The following GBGT1 variants were observed in gnomAD, a reference collection of about 807,000 sequenced individuals.
GBGT1 encodes globoside alpha-1,3-N-acetylgalactosaminyltransferase 1 (FORS blood group), also known as globoside alpha-1,3-N-acetylgalactosaminyltransferase 1.
GBGT1 carries 18 observed loss-of-function variants against 20.9 expected under a neutral mutation model. That is an observed-to-expected ratio of 0.86 (90% CI 0.60 to 1.28). GBGT1 has a LOEUF of 1.28. Ranked by LOEUF, GBGT1 falls within the 50% of genes most tolerant of loss-of-function variation. The probability of loss-of-function intolerance (pLI) is 0.00; values close to 1 mark genes in which losing one functional copy is unlikely to be tolerated. For missense variants in GBGT1, 432 were observed against 455.7 expected, an observed-to-expected ratio of 0.95 and a Z score of 0.47; for synonymous variants, 168 against 180.8, an observed-to-expected ratio of 0.93 and a Z score of 0.57.
rs1184742108 is a variant in GBGT1, at chr9:133,154,042, C to T, written c.579G>A (p.Lys193=). Residue 193 remains lysine, a synonymous_variant, in exon 7 of 7, where the codon AAG becomes AAA. Transcript: ENST00000372040. The surrounding 1 kb of genome is among the most constrained non-coding windows in gnomAD (Gnocchi z 4.2). ...GGTAGTCCACCTCCCGGTGAGCCCT[C>T]TTAGCAATGTGCTGGCTGATGGTCT... ...RMETISQHIA[K]RAHREVDYLF... is the part of the protein sequence containing the mutation. The T allele has an allele frequency of 6.2e-7, 1 of 1,613,778 alleles. No homozygotes were observed. The highest frequency in any genetic ancestry group is 2.2e-5 in the East Asian group (1 of 44,888).
rs562933334 is a variant in GBGT1 at position 133,154,928 on chromosome 9, G to A, written c.359+250C>T. On this transcript the variant is annotated intron_variant, in intron 6 of 6. Transcript: ENST00000372040. The surrounding 1 kb of genome is among the most constrained non-coding windows in gnomAD (Gnocchi z 4.2). ...ACAGGGAGGGGCAAGGGGGCCTCCTGACAAAGGCTCCTGCTGTCCCCTCAC... is the reference window on the plus strand; with the variant it reads ...ACAGGGAGGGGCAAGGGGGCCTCCTAACAAAGGCTCCTGCTGTCCCCTCAC... 3 of 447,756 alleles carry A rather than the reference G, an allele frequency of 6.7e-6. No individual in the cohort carries two copies. Among genetic ancestry groups the A allele is most frequent in the South Asian group, 9.7e-5 (2 of 20,708 alleles). 27.7% of individuals were successfully genotyped at this position (447,756 alleles called of 1,614,324 possible). A position where few individuals can be genotyped will look rare whatever the true frequency, so the allele number is the denominator to read the frequency against.
intron 3 of GBGT1, among the ~76,000 whole-genome samples, chr9:133,157,712 C>T (rs1408138557): frequency 6.6e-6 from 1 of 152,260 alleles, no homozygotes; most frequent in Non-Finnish European, 1.5e-5. Context: ...CCTGGGCTCA[C>T]CTCTGGCTCT....
rs1051485385 is a variant in GBGT1, at chr9:133,153,743, G to A, written c.878C>T (p.Ala293Val). ...ILADKANGIM[A>V]AWREESHLNR... ...CAGGTGGCTTTCCTCCCGCCAGGCA[G>A]CCATGATGCCATTGGCCTTGTCCGC... is the stretch of plus-strand genomic sequence containing the variant. Residue 293 changes from alanine (A) to valine (V), a missense_variant, in exon 7 of 7, where the codon GCT becomes GTT. By Grantham distance (64) the Ala-to-Val change is moderately conservative. Transcript: ENST00000372040. 1.9e-6 allele frequency: 3 copies of A among 1,613,290 alleles called. No individual in the cohort carries two copies.
chr9:133,159,349 G>A (rs1832965755), intron 3 of GBGT1, among the ~76,000 whole-genome samples: 1 of 152,222 alleles, frequency 6.6e-6, no homozygotes, highest in African/African-American at 2.4e-5. Context: ...GCATGTTTCA[G>A]GGCCCTGCTC....
intron 3 of GBGT1, 111 bp from the exon 4 acceptor site, chr9:133,156,176 G>T: frequency 1.7e-6 from 2 of 1,199,740 alleles, no homozygotes; most frequent in South Asian, 1.3e-5. Context: ...CAGGGTCCAT[G>T]CAGGCTCCCT....
intron 5 of GBGT1, 79 bp from the exon 6 acceptor site, chr9:133,155,391 T>C: frequency 4.5e-6 from 7 of 1,560,264 alleles, no homozygotes; most frequent in Non-Finnish European, 6.1e-6. Flanking sequence ...GCTCTCACAC[T>C]GTGTGACCCG....
Position 133,154,528 on chromosome 9 carries a change from C to T in GBGT1, c.360-267G>A, listed in dbSNP as rs1213917869. ...TGAGCAATTTCTAAGTGCCCAGCGACGTTCTAAGAATTCTTATGATCTTTG... is the reference window on the plus strand; with the variant it reads ...TGAGCAATTTCTAAGTGCCCAGCGATGTTCTAAGAATTCTTATGATCTTTG... On this transcript the variant is annotated intron_variant, in intron 6 of 6. Coordinates refer to ENST00000372040, the MANE Select transcript of GBGT1 (RefSeq NM_021996.6). The surrounding 1 kb of genome is among the most constrained non-coding windows in gnomAD (Gnocchi z 4.2). 7 of 351,502 alleles carry T rather than the reference C, an allele frequency of 2.0e-5. No homozygotes were observed. The highest frequency in any genetic ancestry group is 2.4e-4 in the South Asian group (2 of 8,390). 21.8% of individuals were successfully genotyped at this position (351,502 alleles called of 1,614,324 possible).
In GBGT1 at chr9:133,153,750, T is replaced by A. The variant is rs35403335; in HGVS notation, c.871A>T (p.Ile291Phe). 1.7e-3 allele frequency: 2,689 copies of A among 1,613,070 alleles called. 34 individuals carry two copies. The African/African-American group carries it at 0.031, about 19-fold the overall frequency. Residue 291 changes from isoleucine (I) to phenylalanine (F), a missense_variant, in exon 7 of 7, where the codon ATC becomes TTC. By Grantham distance (21) the Ile-to-Phe change is conservative. Transcript: ENST00000372040. The part of the protein sequence containing the change: ...MAILADKANG[I>F]MAAWREESHL... ...CTTTCCTCCCGCCAGGCAGCCATGA[T>A]GCCATTGGCCTTGTCCGCCAGGATG...
At position 133,159,557 on chromosome 9, in the gene GBGT1, G is replaced by A. The variant is rs78110012; in HGVS notation, c.137+1910C>T. ...TCATGCCCGCAATCCCGGCAGGGGC[G>A]AGTTGGGACGACCCCTTGAGGCCAG... On this transcript the variant is annotated intron_variant, in intron 3 of 6. Coordinates refer to ENST00000372040, the MANE Select transcript of GBGT1 (RefSeq NM_021996.6). Among the ~76,000 whole-genome samples the A allele has an allele frequency of 4.5e-3, 687 of 152,308 alleles. 7 individuals carry two copies. Among genetic ancestry groups the A allele is most frequent in the African/African-American group, 0.016 (657 of 41,558 alleles).
intron 3 of GBGT1, among the ~76,000 whole-genome samples, chr9:133,160,705 G>A (rs576877893): frequency 1.2e-4 from 18 of 152,200 alleles, no homozygotes; most frequent in African/African-American, 4.1e-4. Flanking sequence ...TCAGTCCCTG[G>A]GTGGAATAAG....
In GBGT1 at chr9:133,153,818, T is replaced by C; in HGVS notation, c.803A>G (p.Gln268Arg). 6.3e-7 allele frequency: 1 copy of C among 1,587,456 alleles called. No homozygotes were observed. The highest frequency in any genetic ancestry group is 1.7e-5 in the Admixed American group (1 of 58,238). Residue 268 changes from glutamine to arginine, a missense_variant, in exon 7 of 7, where the codon CAG becomes CGG. By Grantham distance (43) the Gln-to-Arg change is conservative (BLOSUM62 1). Coordinates refer to ENST00000372040, the MANE Select transcript of GBGT1 (RefSeq NM_021996.6). ...FYYGGAVFGG[Q>R]VARVYEFTRG... ...AGTAAACTCATATACCCTGGCCACC[T>C]GCCCCCCGAAGACTGCCCCACCATA...
Position 133,153,546 on chromosome 9 carries a change from T to TC in GBGT1, c.*30dup. ...GCACTGGTGGCTGCAGGTCTTTGGG[T>TC]CCCCATCCATGGCAACCCCCAGCTC... On this transcript the variant is annotated 3_prime_UTR_variant, in exon 7 of 7. Coordinates refer to ENST00000372040, the MANE Select transcript of GBGT1 (RefSeq NM_021996.6). 6 of 1,477,540 alleles carry TC rather than the reference T, an allele frequency of 4.1e-6. No individual in the cohort carries two copies. Among genetic ancestry groups the TC allele is most frequent in the Non-Finnish European group, 5.5e-6 (6 of 1,097,510 alleles). 91.5% of individuals were successfully genotyped at this position (1,477,540 alleles called of 1,614,324 possible). A position where few individuals can be genotyped will look rare whatever the true frequency, so the allele number is the denominator to read the frequency against.
chr9:133,153,918 G>A lies in GBGT1; in HGVS notation c.703C>T (p.Pro235Ser), dbSNP rs1304293763. The change falls in exon 7 of 7, where the codon CCC (proline) becomes TCC (serine). Residue 235 changes from proline (P) to serine (S), a missense_variant. Pro to Ser is a moderately conservative substitution (Grantham distance 74). Coordinates refer to ENST00000372040, the MANE Select transcript of GBGT1 (RefSeq NM_021996.6). ...AAIHPSYYAV[P>S]RQQFPYERRR... ...CGCTCATAGGGGAACTGCTGGCGGG[G>A]AACGGCGTAGTAGCTTGGGTGAATG... 4 of 1,606,206 alleles carry A rather than the reference G, an allele frequency of 2.5e-6. No homozygotes were observed. The highest frequency in any genetic ancestry group is 1.3e-5 in the African/African-American group (1 of 74,782).
Position 133,162,538 on chromosome 9 carries a change from A to G in GBGT1, c.-120-6T>C. On this transcript the variant is annotated splice_region_variant and splice_polypyrimidine_tract_variant and intron_variant, in intron 1 of 6. Transcript: ENST00000372040. ...CTCTGAGGTCCCAGGAACACCTGCAAAGGAACACTTTTGTTGTTTTGAGAT... is the reference window on the plus strand; with the variant it reads ...CTCTGAGGTCCCAGGAACACCTGCAGAGGAACACTTTTGTTGTTTTGAGAT... 1 of 739,632 alleles carries G rather than the reference A, an allele frequency of 1.4e-6. No homozygotes were observed. The highest frequency in any genetic ancestry group is 2.4e-6 in the Non-Finnish European group (1 of 419,940). 45.8% of individuals were successfully genotyped at this position (739,632 alleles called of 1,614,324 possible). A position where few individuals can be genotyped will look rare whatever the true frequency, so the allele number is the denominator to read the frequency against.
In GBGT1 at chr9:133,160,319, T is replaced by C. The variant is rs1294580654; in HGVS notation, c.137+1148A>G. ...ATAATAATAATAATAATAAATAAAA[T>C]TTATACCAAAGAGGATAGCATTTTC... On this transcript the variant is annotated intron_variant, in intron 3 of 6. Transcript: ENST00000372040. 4.7e-5 allele frequency: 7 copies of C among 147,698 alleles called. No individual in the cohort carries two copies. The East Asian group carries it at 1.4e-3, about 29-fold the overall frequency. The allele number at this position is 147,698 out of a possible 1,614,324, so 9.1% of individuals were successfully genotyped here.
At chr9:133,159,295 T>C (rs35775139) in intron 3 of GBGT1, among the ~76,000 whole-genome samples, 41,408 of 152,114 alleles carry the variant, frequency 0.27, 6,139 homozygotes, top group Non-Finnish European at 0.31. Context: ...TTTTTTAAAG[T>C]CAGTTCGTCA....
Position 133,153,341 on chromosome 9 carries a change from T to G in GBGT1, c.*236A>C. 2.7e-6 allele frequency: 1 copy of G among 376,330 alleles called. No individual in the cohort carries two copies. The highest frequency in any genetic ancestry group is 4.7e-6 in the Non-Finnish European group (1 of 211,348). The allele number at this position is 376,330 out of a possible 1,614,324, so 23.3% of individuals were successfully genotyped here. A position where few individuals can be genotyped will look rare whatever the true frequency, so the allele number is the denominator to read the frequency against. On this transcript the variant is annotated 3_prime_UTR_variant, in exon 7 of 7. Coordinates refer to ENST00000372040, the MANE Select transcript of GBGT1 (RefSeq NM_021996.6). The stretch of plus-strand genomic sequence containing the variant: ...GTGGCAAGCCTGCCGGGCCCTGCCT[T>G]TGTAACTGCGCCTCCCCTCCCCCTG...
rs754890019 is a variant in GBGT1 at position 133,153,840 on chromosome 9, C to G, written c.781G>C (p.Gly261Arg). The change falls in exon 7 of 7, where the codon GGT becomes CGT. Residue 261 changes from glycine (G) to arginine (R), a missense_variant. Gly to Arg is a moderately radical substitution (Grantham distance 125, BLOSUM62 -2). Coordinates refer to ENST00000372040, the MANE Select transcript of GBGT1 (RefSeq NM_021996.6). Reference sequence around the variant, plus strand: ...ACCTGCCCCCCGAAGACTGCCCCACCATAATAGAAGTCCCCTTCGCTGTCT... The same window carrying G: ...ACCTGCCCCCCGAAGACTGCCCCACGATAATAGAAGTCCCCTTCGCTGTCT... ...VADSEGDFYY[G>R]GAVFGGQVAR... 3.8e-6 allele frequency: 6 copies of G among 1,596,138 alleles called. No individual in the cohort carries two copies. Among genetic ancestry groups the G allele is most frequent in the Admixed American group, 3.4e-5 (2 of 59,026 alleles).
In GBGT1 at chr9:133,155,218, G is replaced by C. The variant is rs369929528; in HGVS notation, c.319C>G (p.Leu107Val). The change falls in exon 6 of 7, where the codon CTG (leucine) becomes GTG (valine). Residue 107 changes from leucine to valine, a missense_variant. Transcript: ENST00000372040. ...ACCGTGACCCCAATGGTCAGGTTCA[G>C]TGGCTGGTAGATGTGCTGCAGAAGC... ...PELLQHIYQPLNLTIGVTVFA... is the reference protein window; with the variant it reads ...PELLQHIYQPVNLTIGVTVFA... 1.9e-6 allele frequency: 3 copies of C among 1,613,984 alleles called. No individual in the cohort carries two copies. Among genetic ancestry groups the C allele is most frequent in the Non-Finnish European group, 2.5e-6 (3 of 1,180,018 alleles).
Sources: gnomAD v4.1 joint callset for allele counts (sites outside exome capture counted in the v4.1 genomes callset) on GRCh38, gnomAD v4.1.1 for gene constraint, Gnocchi (gnomAD v3.1) non-coding constraint, MANE v1.5 for transcripts, NCBI Gene and HGNC (gene_info 2026-07-23, HGNC 2026-07-21) for gene names.